Variants in ADAMTSL1 observed in about 807,000 individuals in gnomAD.
The protein encoded by ADAMTSL1 is ADAMTS-like protein 1.
ADAMTSL1 carries 126 observed loss-of-function variants against 201.8 expected under a neutral mutation model. The ratio of observed to expected loss-of-function variants is 0.62; its 90% CI spans 0.54 to 0.72. The LOEUF (loss-of-function observed/expected upper bound fraction) is 0.72, where lower values mean the gene tolerates loss of function less well. Ranked by LOEUF, ADAMTSL1 falls within the 30% of genes least tolerant of loss-of-function variation. The probability of loss-of-function intolerance (pLI) is 0.00; values close to 1 mark genes in which losing one functional copy is unlikely to be tolerated. For synonymous variants in ADAMTSL1, 1,121 were observed against 903.4 expected (o/e 1.24, Z -4.32); for missense variants, 2,679 against 2,277.8 (o/e 1.18, Z -3.59).
chr9:18,533,162 T>C, intron 2 of ADAMTSL1, 85 bp from the exon 3 acceptor site: 1 of 1,218,802 alleles, frequency 8.2e-7, no homozygotes, highest in East Asian at 2.4e-5. Flanking sequence ...TTTACTAGTA[T>C]TTAGAGCAAA....
intron 2 of ADAMTSL1, among the ~76,000 whole-genome samples, chr9:18,226,728 A>T (rs1830443799): frequency 6.6e-6 from 1 of 152,098 alleles, no homozygotes; most frequent in Non-Finnish European, 1.5e-5. Flanking sequence ...TCATGGGGCC[A>T]GTTTGTCCAC....
chr9:18,461,609 T>A (rs1820809100), intron 2 of ADAMTSL1, among the ~76,000 whole-genome samples: 1 of 152,158 alleles, frequency 6.6e-6, no homozygotes. Context: ...ACTGGTATTC[T>A]AGAATAAAGT....
rs1422245587 is a variant in ADAMTSL1 at position 18,846,098 on chromosome 9, G to C, written c.4249+16121G>C. On this transcript the variant is annotated intron_variant, in intron 23 of 28. Transcript: ENST00000380548. Reference sequence around the variant, plus strand: ...AGTAAATAAGATAAATACAAACCTAGTCCTCATTCATTTATTCAAAAAGAA... The same window carrying C: ...AGTAAATAAGATAAATACAAACCTACTCCTCATTCATTTATTCAAAAAGAA... Among the ~76,000 whole-genome samples, 5 of 152,282 alleles carry C rather than the reference G, an allele frequency of 3.3e-5. No homozygotes were observed. The East Asian group carries it at 9.6e-4, about 29-fold the overall frequency.
chr9:18,203,925 A>G (rs936748995), intron 2 of ADAMTSL1, among the ~76,000 whole-genome samples: 1 of 152,156 alleles, frequency 6.6e-6, no homozygotes. Context: ...TGTGTTCTCC[A>G]TGATTGTCAC....
At chr9:18,665,362 TG>T (rs1829368552) in intron 9 of ADAMTSL1, among the ~76,000 whole-genome samples, 1 of 152,132 alleles carries the variant, frequency 6.6e-6, no homozygotes, top group Non-Finnish European at 1.5e-5. Flanking sequence ...CATCAGTATT[TG>T]GTCTATATAT....
chr9:18,489,922 C>G (rs1029230145), intron 1 of ADAMTSL1, among the ~76,000 whole-genome samples: 1 of 152,156 alleles, frequency 6.6e-6, no homozygotes, highest in African/African-American at 2.4e-5. Context: ...TCCTAAAATG[C>G]CCATAAACCT....
chr9:18,056,474 G>A (rs751131197), intron 1 of ADAMTSL1, among the ~76,000 whole-genome samples: 1 of 152,062 alleles, frequency 6.6e-6, no homozygotes, highest in Non-Finnish European at 1.5e-5. Context: ...GAAAGCAGAT[G>A]AGTAATTCCA....
At chr9:18,711,878 C>T (rs1290786061) in intron 14 of ADAMTSL1, among the ~76,000 whole-genome samples, 3 of 151,890 alleles carry the variant, frequency 2.0e-5, no homozygotes, top group Non-Finnish European at 4.4e-5. Context: ...CAGTGGTTCT[C>T]CCAGCATGCA....
At chr9:17,950,132 C>A (rs1827676946) in intron 1 of ADAMTSL1, among the ~76,000 whole-genome samples, 1 of 152,070 alleles carries the variant, frequency 6.6e-6, no homozygotes, top group East Asian at 1.9e-4. Context: ...GTCTCGAACT[C>A]CTGGACTCAG....
At chr9:17,927,441 T>C (rs1826594669) in intron 1 of ADAMTSL1, among the ~76,000 whole-genome samples, 1 of 152,006 alleles carries the variant, frequency 6.6e-6, no homozygotes, top group Admixed American at 6.6e-5. Context: ...TATATGTACA[T>C]ATATACATAT....
chr9:18,623,065 T>G (rs1383972252), intron 5 of ADAMTSL1, among the ~76,000 whole-genome samples: 1 of 152,062 alleles, frequency 6.6e-6, no homozygotes, highest in African/African-American at 2.4e-5. Context: ...CCAGCTAATT[T>G]TTGTATTTTT....
At chr9:18,251,849 G>A (rs565683061) in intron 2 of ADAMTSL1, among the ~76,000 whole-genome samples, 18 of 152,224 alleles carry the variant, frequency 1.2e-4, no homozygotes, top group Admixed American at 9.2e-4. Context: ...GACAAGGATG[G>A]CATTTCAATT....
intron 2 of ADAMTSL1, among the ~76,000 whole-genome samples, chr9:18,450,816 T>G (rs2131669950): frequency 6.6e-6 from 1 of 152,262 alleles, no homozygotes. Context: ...TCATTTCCAT[T>G]GTCCACTCTA....
chr9:18,390,248 C>G (rs1253963003), intron 2 of ADAMTSL1, among the ~76,000 whole-genome samples: 1 of 152,010 alleles, frequency 6.6e-6, no homozygotes, highest in Non-Finnish European at 1.5e-5. Context: ...TTGAGAAAAG[C>G]AAACCATTTC....
rs773673361 is a variant in ADAMTSL1 at position 18,574,039 on chromosome 9, C to G, written c.247C>G (p.Pro83Ala). 8 of 1,613,270 alleles carry G rather than the reference C, an allele frequency of 5.0e-6. No homozygotes were observed. The African/African-American group carries it at 6.7e-5, about 13-fold the overall frequency. The change falls in exon 4 of 29, where the codon CCA (proline) becomes GCA (alanine). Residue 83 changes from proline (P) to alanine (A), a missense_variant. Physicochemically the swap from Pro to Ala is conservative, Grantham distance 27 (BLOSUM62 -1). Transcript: ENST00000380548. ...YRTCSNVDCP[P>A]EAGDFRAQQC... ...TCTCTTTTTTCTCCAGGACTGCCCA[C>G]CAGAAGCAGGTGATTTCCGAGCTCA...
intron 2 of ADAMTSL1, among the ~76,000 whole-genome samples, chr9:18,438,063 C>T (rs765789258): frequency 3.9e-5 from 6 of 152,022 alleles, no homozygotes; most frequent in Non-Finnish European, 8.8e-5. Context: ...CTTTTGTTAA[C>T]GCGTGCTTGA....
In ADAMTSL1 at chr9:18,036,037, C is replaced by T. The variant is rs17187845; in HGVS notation, c.88-127825C>T. ...TGAGATGAGTGTTTTGTTCCAGGAACACTGTGCTACACAAGGGATCTCATG... is the reference window on the plus strand; with the variant it reads ...TGAGATGAGTGTTTTGTTCCAGGAATACTGTGCTACACAAGGGATCTCATG... On this transcript the variant is annotated intron_variant, in intron 1 of 29. Transcript: ENST00000680146. Among the ~76,000 whole-genome samples, 434 of 152,208 alleles carry T rather than the reference C, an allele frequency of 2.9e-3. 1 individual carries two copies. The highest frequency in any genetic ancestry group is 4.8e-3 in the Admixed American group (74 of 15,274).
chr9:18,060,230 T>A (rs1822389029), intron 1 of ADAMTSL1, among the ~76,000 whole-genome samples: 1 of 152,192 alleles, frequency 6.6e-6, no homozygotes, highest in Non-Finnish European at 1.5e-5. Context: ...GTACTGGCTT[T>A]TACTTTAGTG....
Position 18,895,041 on chromosome 9 carries a change from G to A in ADAMTSL1, c.4851+2445G>A, listed in dbSNP as rs115093351. On this transcript the variant is annotated intron_variant, in intron 26 of 28. Coordinates refer to ENST00000380548, the MANE Select transcript of ADAMTSL1 (RefSeq NM_001040272.6). ...AGCATTGGCCTTATTTTATACATACGGTGCATATTCAAACTTGACTGACAG... is the reference window on the plus strand; with the variant it reads ...AGCATTGGCCTTATTTTATACATACAGTGCATATTCAAACTTGACTGACAG... Among the ~76,000 whole-genome samples the A allele has an allele frequency of 5.5e-3, 832 of 152,222 alleles. 13 individuals are homozygous for A. Among genetic ancestry groups the A allele is most frequent in the African/African-American group, 0.018 (761 of 41,528 alleles).
Sources: gnomAD v4.1 joint callset for allele counts (sites outside exome capture counted in the v4.1 genomes callset) on GRCh38, gnomAD v4.1.1 for gene constraint, MANE v1.5 for transcripts, NCBI Gene and HGNC (gene_info 2026-07-23, HGNC 2026-07-21) for gene names.